SCNN1B: variants seen among roughly 807,000 people sequenced by gnomAD.
SCNN1B encodes the protein sodium channel epithelial 1 subunit beta.
Under a neutral mutation model 65.3 loss-of-function variants are expected in SCNN1B, and 46 were observed. The observed-to-expected ratio is 0.70, with a 90% CI of 0.56 to 0.90. SCNN1B has a LOEUF of 0.90. Among genes scored for constraint, SCNN1B ranks in the 40% least tolerant of loss-of-function variants. The probability of loss-of-function intolerance (pLI) is 0.00; values close to 1 mark genes in which losing one functional copy is unlikely to be tolerated. For synonymous variants in SCNN1B, 349 were observed against 330.6 expected, an observed-to-expected ratio of 1.06 and a Z score of -0.60; for missense variants, 751 against 830.5, an observed-to-expected ratio of 0.90 and a Z score of 1.18.
intron 1 of SCNN1B, among the ~76,000 whole-genome samples, chr16:23,314,532 G>T (rs1244664319): frequency 6.6e-6 from 1 of 152,088 alleles, no homozygotes; most frequent in African/African-American, 2.4e-5. Flanking sequence ...TCAAACCCAA[G>T]CAGTTTGACT....
At position 23,348,324 on chromosome 16, in the gene SCNN1B, C is replaced by T. The variant is rs879349997; in HGVS notation, c.-8-268C>T. Among the ~76,000 whole-genome samples the T allele has an allele frequency of 2.6e-5, 4 of 152,082 alleles. No individual in the cohort carries two copies. Among genetic ancestry groups the T allele is most frequent in the Non-Finnish European group, 5.9e-5 (4 of 68,026 alleles). On this transcript the variant is annotated intron_variant, in intron 1 of 12. Transcript: ENST00000343070. This position sits in a 1 kb window ranked among gnomAD's most constrained non-coding sequence, Gnocchi z 4.5. Reference sequence around the variant, plus strand: ...AGGGCAAAAAACCTTGTCCATTTTGCTCATTGAGTCCAGAAGGACCATTTG... The same window carrying T: ...AGGGCAAAAAACCTTGTCCATTTTGTTCATTGAGTCCAGAAGGACCATTTG...
At position 23,305,552 on chromosome 16, in the gene SCNN1B, ATATATATATATATATATATATATAT is replaced by A. The variant is rs1567290290; in HGVS notation, c.-9+3138_-9+3162del. On this transcript the variant is annotated intron_variant, in intron 1 of 12. Transcript: ENST00000343070. ...ATATATATTATATATATATATATAT[ATATATATATATATATATATATATAT>A]TATATATATATATATATATATAACC... Among the ~76,000 whole-genome samples the A allele has an allele frequency of 2.3e-3, 85 of 37,524 alleles. 2 individuals carry two copies. Among genetic ancestry groups the A allele is most frequent in the Middle Eastern group, 9.1e-3 (1 of 110 alleles). The allele number at this position is 37,524 out of a possible 152,430, so 24.6% of individuals were successfully genotyped here.
intron 1 of SCNN1B, among the ~76,000 whole-genome samples, chr16:23,281,250 T>C (rs1460717345): frequency 1.3e-5 from 2 of 152,124 alleles, no homozygotes; most frequent in Non-Finnish European, 2.9e-5. Flanking sequence ...CTGGCCAACA[T>C]GGTGAAACCC....
Position 23,305,559 on chromosome 16 carries a change from TATATATATATATATATATTA to T in SCNN1B, c.-9+3123_-9+3142del, listed in dbSNP as rs1567290350. Among the ~76,000 whole-genome samples the T allele has an allele frequency of 1.5e-3, 82 of 55,318 alleles. 1 individual carries two copies. Among genetic ancestry groups the T allele is most frequent in the Non-Finnish European group, 1.8e-3 (61 of 33,204 alleles). 36.3% of individuals were successfully genotyped at this position (55,318 alleles called of 152,430 possible). A position where few individuals can be genotyped will look rare whatever the true frequency, so the allele number is the denominator to read the frequency against. ...TTATATATATATATATATATATATA[TATATATATATATATATATTA>T]TATATATATATATATATATAACCTG... On this transcript the variant is annotated intron_variant, in intron 1 of 12. Transcript: ENST00000343070.
chr16:23,366,873 G>T (rs1325456929), intron 4 of SCNN1B, among the ~76,000 whole-genome samples: 1 of 152,222 alleles, frequency 6.6e-6, no homozygotes. Context: ...AACATCAAGA[G>T]ATATTTTTTA....
chr16:23,320,461 C>A (rs1961564315), intron 1 of SCNN1B, among the ~76,000 whole-genome samples: 1 of 152,158 alleles, frequency 6.6e-6, no homozygotes, highest in South Asian at 2.1e-4. Flanking sequence ...TGTCTGAGGC[C>A]AGACTCCTTG....
At chr16:23,340,611 G>T (rs239346) in intron 1 of SCNN1B, among the ~76,000 whole-genome samples, 30,947 of 152,006 alleles carry the variant, frequency 0.2, 3,520 homozygotes, top group Middle Eastern at 0.32. Flanking sequence ...GCCCAGGCTG[G>T]TCTCAAACTC....
chr16:23,369,215 C>T (rs1962733648), intron 5 of SCNN1B, among the ~76,000 whole-genome samples: 1 of 152,106 alleles, frequency 6.6e-6, no homozygotes. Context: ...TCAGGTGATC[C>T]TCCCACCTCA....
chr16:23,348,497 G>A lies in SCNN1B; in HGVS notation c.-8-95G>A. On this transcript the variant is annotated intron_variant, in intron 1 of 12. Transcript: ENST00000343070. The surrounding 1 kb of genome is among the most constrained non-coding windows in gnomAD (Gnocchi z 4.5). ...GAGGGTAAAGAGGGAGGAAGAACGG[G>A]GACGTACCGCCGCCCAGTTCCTGGA... 1 of 1,136,518 alleles carries A rather than the reference G, an allele frequency of 8.8e-7. No individual in the cohort carries two copies. The highest frequency in any genetic ancestry group is 1.3e-5 in the South Asian group (1 of 74,140). The allele number at this position is 1,136,518 out of a possible 1,614,324, so 70.4% of individuals were successfully genotyped here.
chr16:23,343,643 G>A (rs867377381), intron 1 of SCNN1B, among the ~76,000 whole-genome samples: 2,464 of 107,292 alleles, frequency 0.023, 33 homozygotes, highest in Middle Eastern at 0.038. Context: ...AAGAAAGAAA[G>A]AAAGAAAAAA....
upstream of SCNN1B, among the ~76,000 whole-genome samples, chr16:23,301,442 G>GAAAGGAAAGAGAAAGAAAA (rs1555482928): frequency 6.7e-6 from 1 of 149,724 alleles, no homozygotes; most frequent in African/African-American, 2.5e-5. Flanking sequence ...AGAAAGGAAA[G>GAAAGGAAAGAGAAAGAAAA]AGAAAGAAAG....
At chr16:23,359,924 C>T (rs565733967) in intron 4 of SCNN1B, among the ~76,000 whole-genome samples, 12 of 152,084 alleles carry the variant, frequency 7.9e-5, no homozygotes, top group Admixed American at 2.0e-4. Flanking sequence ...GCTTTTGGGC[C>T]GGGCATGGTG....
At chr16:23,301,874 TG>T (rs1961091127), upstream of SCNN1B, among the ~76,000 whole-genome samples, 1 of 152,048 alleles carries the variant, frequency 6.6e-6, no homozygotes, top group South Asian at 2.1e-4. Flanking sequence ...GTCACCAACT[TG>T]CCCAGAGGAC....
intron 5 of SCNN1B, among the ~76,000 whole-genome samples, chr16:23,369,224 C>T (rs754036088): frequency 3.9e-5 from 6 of 152,118 alleles, no homozygotes; most frequent in Non-Finnish European, 5.9e-5. Flanking sequence ...CCTCCCACCT[C>T]AGCCTCCTGA....
intron 5 of SCNN1B, among the ~76,000 whole-genome samples, chr16:23,370,687 G>A (rs1197819062): frequency 1.3e-5 from 2 of 152,226 alleles, no homozygotes; most frequent in East Asian, 3.8e-4. Flanking sequence ...AGCCATCAGA[G>A]AACGTTTCTG....
chr16:23,352,154 G>T (rs1962322750), intron 2 of SCNN1B, among the ~76,000 whole-genome samples: 3 of 152,230 alleles, frequency 2.0e-5, no homozygotes, highest in Admixed American at 2.0e-4. Context: ...AAAGAGACCA[G>T]GTCCCTCTTG....
intron 1 of SCNN1B, among the ~76,000 whole-genome samples, chr16:23,338,805 G>C (rs529831804): frequency 1.5e-4 from 23 of 152,236 alleles, no homozygotes; most frequent in African/African-American, 5.1e-4. Flanking sequence ...GAAAATCCAC[G>C]TTTTAAAAAA....
Position 23,352,818 on chromosome 16 carries a change from A to G in SCNN1B, c.329A>G (p.His110Arg). 1 of 1,614,100 alleles carries G rather than the reference A, an allele frequency of 6.2e-7. No individual in the cohort carries two copies. The highest frequency in any genetic ancestry group is 8.5e-7 in the Non-Finnish European group (1 of 1,180,040). Residue 110 changes from histidine (H) to arginine (R), a missense_variant, in exon 3 of 13, where the codon CAT becomes CGT. Transcript: ENST00000343070. ...CCATCCAGGTATTCCAAAATCAAGC[A>G]TTTGCTGAAGGACCTGGATGAGCTG... ...ASPFKYSKIK[H>R]LLKDLDELME...
At chr16:23,317,798 C>A (rs1419792240) in intron 1 of SCNN1B, among the ~76,000 whole-genome samples, 1 of 152,206 alleles carries the variant, frequency 6.6e-6, no homozygotes, top group Non-Finnish European at 1.5e-5. Flanking sequence ...TGTCTTGCCT[C>A]CAGCCTCTAG....
Sources: gnomAD v4.1 joint callset for allele counts (sites outside exome capture counted in the v4.1 genomes callset) on GRCh38, gnomAD v4.1.1 for gene constraint, Gnocchi (gnomAD v3.1) non-coding constraint, MANE v1.5 for transcripts, NCBI Gene and HGNC (gene_info 2026-07-23, HGNC 2026-07-21) for gene names.